Variants in GALK2 observed in about 807,000 individuals in gnomAD.
GALK2 encodes the protein N-acetylgalactosamine kinase.
GALK2 carries 36 observed loss-of-function variants against 52.4 expected under a neutral mutation model. The observed-to-expected ratio is 0.69, with a 90% confidence interval of 0.53 to 0.91. The LOEUF (loss-of-function observed/expected upper bound fraction) is 0.91. Ranked by LOEUF, GALK2 falls within the 40% of genes least tolerant of loss-of-function variation. The pLI is 0.00. For missense variants in GALK2, 579 were observed against 559.1 expected (o/e 1.04, Z -0.36); for synonymous variants, 176 against 199.1 (o/e 0.88, Z 0.98).
At chr15:49,291,215 T>G (rs1207840654) in intron 7 of GALK2, among the ~76,000 whole-genome samples, 1 of 152,192 alleles carries the variant, frequency 6.6e-6, no homozygotes, top group Non-Finnish European at 1.5e-5. Flanking sequence ...ATGAAATAAT[T>G]GAACCGAAAA....
chr15:49,159,891 T>A (rs1262422360), intron 1 of GALK2, among the ~76,000 whole-genome samples: 1 of 152,196 alleles, frequency 6.6e-6, no homozygotes, highest in Non-Finnish European at 1.5e-5. Flanking sequence ...GATTCGGATA[T>A]CATGACACAT....
At chr15:49,268,689 A>T (rs984633190) in intron 5 of GALK2, among the ~76,000 whole-genome samples, 3 of 152,160 alleles carry the variant, frequency 2.0e-5, no homozygotes, top group Non-Finnish European at 2.9e-5. Context: ...ATGATCAGAA[A>T]TGATCATCTT....
At chr15:49,271,620 A>G (rs921816058) in intron 5 of GALK2, among the ~76,000 whole-genome samples, 7 of 152,174 alleles carry the variant, frequency 4.6e-5, no homozygotes, top group South Asian at 4.1e-4. Context: ...TAACCTCTCT[A>G]TGCTTCAGTT....
At chr15:49,239,970 A>G (rs890518568) in intron 5 of GALK2, among the ~76,000 whole-genome samples, 2 of 152,184 alleles carry the variant, frequency 1.3e-5, no homozygotes, top group East Asian at 1.9e-4. Flanking sequence ...GTTCAAATAA[A>G]ATGTTATCAT....
At chr15:49,188,415 A>G (rs2086509372) in intron 1 of GALK2, among the ~76,000 whole-genome samples, 1 of 152,180 alleles carries the variant, frequency 6.6e-6, no homozygotes, top group Non-Finnish European at 1.5e-5. Flanking sequence ...ACAGCACTGA[A>G]TTCCAAAGCA....
chr15:49,208,064 C>T (rs756434873), intron 2 of GALK2, among the ~76,000 whole-genome samples: 2 of 152,324 alleles, frequency 1.3e-5, no homozygotes, highest in African/African-American at 2.4e-5. Flanking sequence ...TGAGTCACTG[C>T]GCCGGCCCAA....
chr15:49,174,504 C>T (rs1408499445), intron 1 of GALK2, among the ~76,000 whole-genome samples: 1 of 152,004 alleles, frequency 6.6e-6, no homozygotes, highest in Non-Finnish European at 1.5e-5. Context: ...CACCACCACG[C>T]CAGGCTAATT....
chr15:49,363,396 G>A (rs2044589825), intron 3 of GALK2, among the ~76,000 whole-genome samples: 2 of 152,230 alleles, frequency 1.3e-5, no homozygotes, highest in Middle Eastern at 6.8e-3. Flanking sequence ...TTGGCATTGG[G>A]ATTGCAGACT....
At chr15:49,264,434 C>T (rs1466685697) in intron 5 of GALK2, among the ~76,000 whole-genome samples, 2 of 152,204 alleles carry the variant, frequency 1.3e-5, no homozygotes, top group East Asian at 1.9e-4. Context: ...CTCCTTTAAG[C>T]GCTTCTCTGT....
At chr15:49,285,965 ACACTCCAGCCATGAGACT>A (rs1226551113) in intron 7 of GALK2, among the ~76,000 whole-genome samples, 1 of 152,034 alleles carries the variant, frequency 6.6e-6, no homozygotes, top group Non-Finnish European at 1.5e-5. Context: ...TGCTTTCCTT[ACACTCCAGCCATGAGACT>A]CATTCTCATC....
At chr15:49,258,715 G>T (rs1348947929) in intron 5 of GALK2, among the ~76,000 whole-genome samples, 1 of 151,280 alleles carries the variant, frequency 6.6e-6, no homozygotes, top group Non-Finnish European at 1.5e-5. Context: ...AATGAGAAGG[G>T]TTTAGAATTC....
chr15:49,267,891 G>A (rs1046837559), intron 5 of GALK2, among the ~76,000 whole-genome samples: 4 of 152,008 alleles, frequency 2.6e-5, no homozygotes, highest in African/African-American at 9.7e-5. Flanking sequence ...GAATGAGATA[G>A]GTTTTTCTGT....
intron 5 of GALK2, among the ~76,000 whole-genome samples, chr15:49,255,396 T>C (rs2141590971): frequency 7.0e-6 from 1 of 143,278 alleles, no homozygotes; most frequent in Middle Eastern, 3.5e-3. Context: ...ATTTTTTTAG[T>C]TTACTTTATT....
At position 49,355,275 on chromosome 15, in the gene GALK2, G is replaced by A. The variant is rs192357043; in HGVS notation, c.427-12216G>A. 1.5e-3 allele frequency among the ~76,000 whole-genome samples: 229 copies of A among 152,302 alleles called. 1 individual carries two copies. Among genetic ancestry groups the A allele is most frequent in the African/African-American group, 5.1e-3 (213 of 41,556 alleles). ...GAAGAGCTCAGAGAAGAAGGCTTCA[G>A]ACTATCAAATTACTCTGAGCTACGG... On this transcript the variant is annotated intron_variant, in intron 3 of 3. Transcript: ENST00000558399.
Position 49,330,917 on chromosome 15 carries a change from G to GCACT in GALK2, c.*2760_*2763dup, listed in dbSNP as rs1260638275. 3 of 152,272 alleles carry GCACT rather than the reference G, an allele frequency of 2.0e-5. No individual in the cohort carries two copies. The highest frequency in any genetic ancestry group is 2.9e-5 in the Non-Finnish European group (2 of 68,108). 9.4% of individuals were successfully genotyped at this position (152,272 alleles called of 1,614,324 possible). ...TACAGTGAGCCATGACTGCAGCACTGCACTCCAGCCTGGGAGACAGGTGAC... is the reference window on the plus strand; with the variant it reads ...TACAGTGAGCCATGACTGCAGCACTGCACTCACTCCAGCCTGGGAGACAGGTGAC... On this transcript the variant is annotated 3_prime_UTR_variant, in exon 10 of 10. Coordinates refer to ENST00000560031, the MANE Select transcript of GALK2 (RefSeq NM_002044.4).
chr15:49,339,969 C>A (rs1160580734), intron 3 of GALK2, among the ~76,000 whole-genome samples: 1 of 152,172 alleles, frequency 6.6e-6, no homozygotes, highest in Admixed American at 6.5e-5. Context: ...CCCCTCCCCC[C>A]ACCAAGCTTG....
At chr15:49,230,686 G>T (rs1325090226) in intron 3 of GALK2, among the ~76,000 whole-genome samples, 1 of 152,136 alleles carries the variant, frequency 6.6e-6, no homozygotes, top group African/African-American at 2.4e-5. Context: ...TCTTATAATG[G>T]TCTACCTACC....
chr15:49,307,133 C>T (rs940775749), intron 8 of GALK2, among the ~76,000 whole-genome samples: 7 of 152,228 alleles, frequency 4.6e-5, no homozygotes, highest in African/African-American at 1.4e-4. Flanking sequence ...CAGGCTGATA[C>T]TGAAAGAGAT....
At chr15:49,312,231 G>A (rs1010610336) in intron 8 of GALK2, among the ~76,000 whole-genome samples, 2 of 152,146 alleles carry the variant, frequency 1.3e-5, no homozygotes, top group Non-Finnish European at 2.9e-5. Context: ...ACTATTACTT[G>A]TGGGGCGTAA....
Sources: allele counts gnomAD v4.1 joint callset (sites outside exome capture counted in the v4.1 genomes callset), GRCh38; gene constraint gnomAD v4.1.1; transcripts MANE v1.5; gene names NCBI Gene and HGNC (gene_info 2026-07-23, HGNC 2026-07-21).